Variants in TEX29 observed in about 807,000 individuals in gnomAD.
TEX29 encodes the protein testis-expressed protein 29.
Under a neutral mutation model 18.2 loss-of-function variants are expected in TEX29, and 26 were observed. The observed-to-expected ratio is 1.43, with a 90% CI of 1.04 to 1.98. The LOEUF is 1.98. Among genes scored for constraint, TEX29 ranks in the 30% most tolerant of loss-of-function variants. The pLI is 0.00. For missense variants in TEX29, 177 were observed against 194.2 expected, an observed-to-expected ratio of 0.91 and a Z score of 0.53; for synonymous variants, 83 against 78.5, an observed-to-expected ratio of 1.06 and a Z score of -0.31.
chr13:111,332,216 T>A (rs2093683766), intron 3 of TEX29, among the ~76,000 whole-genome samples: 2 of 152,298 alleles, frequency 1.3e-5, no homozygotes, highest in South Asian at 4.1e-4. Flanking sequence ...GGTCTTTAAT[T>A]TTTTTCAATA....
intron 2 of TEX29, among the ~76,000 whole-genome samples, chr13:111,322,000 G>T (rs376856403): frequency 2.0e-4 from 31 of 152,364 alleles, no homozygotes; most frequent in African/African-American, 7.2e-4. Context: ...TTGTTGGGAA[G>T]GTAGGCTAGG....
chr13:111,317,685 C>T (rs2093656861), upstream of TEX29, among the ~76,000 whole-genome samples: 3 of 152,232 alleles, frequency 2.0e-5, no homozygotes, highest in Admixed American at 1.3e-4. Context: ...ATGGCGCCAA[C>T]AGCAGAGCTT....
intron 2 of TEX29, among the ~76,000 whole-genome samples, chr13:111,325,360 G>A (rs2093671154): frequency 6.6e-6 from 1 of 152,224 alleles, no homozygotes; most frequent in Non-Finnish European, 1.5e-5. Flanking sequence ...GGGTGTGGAG[G>A]GCCTACTGGA....
At chr13:111,330,438 G>T (rs1326266337) in intron 3 of TEX29, among the ~76,000 whole-genome samples, 2 of 152,174 alleles carry the variant, frequency 1.3e-5, no homozygotes, top group Non-Finnish European at 2.9e-5. Context: ...GACGGCTCCT[G>T]CAGATCCTGG....
At position 111,326,498 on chromosome 13, in the gene TEX29, G is replaced by A. The variant is rs1193236178; in HGVS notation, c.59-1685G>A. On this transcript the variant is annotated intron_variant, in intron 2 of 5. Transcript: ENST00000283547. ...CGGGCAGTGCGAGCCTGTCTGGTGG[G>A]GTGGAGGAGACCACGGGCAGCGCGA... Among the ~76,000 whole-genome samples, 32 of 148,594 alleles carry A rather than the reference G, an allele frequency of 2.2e-4. 1 individual carries two copies. The highest frequency in any genetic ancestry group is 3.9e-4 in the Non-Finnish European group (26 of 66,646).
chr13:111,327,657 C>G (rs751849973), intron 2 of TEX29, among the ~76,000 whole-genome samples: 1 of 152,220 alleles, frequency 6.6e-6, no homozygotes, highest in Non-Finnish European at 1.5e-5. Flanking sequence ...GAGCTCTCCC[C>G]GCCCTGCTTC....
At chr13:111,330,779 TC>T (rs1031323246) in intron 3 of TEX29, among the ~76,000 whole-genome samples, 6 of 152,202 alleles carry the variant, frequency 3.9e-5, no homozygotes, top group Non-Finnish European at 8.8e-5. Context: ...TCTATGGACT[TC>T]CGTATTATGG....
intron 3 of TEX29, among the ~76,000 whole-genome samples, chr13:111,333,709 T>A (rs1476650217): frequency 5.9e-5 from 9 of 152,266 alleles, no homozygotes; most frequent in Admixed American, 4.6e-4. Flanking sequence ...TAGGGAGGCC[T>A]CAGGAAACTT....
At chr13:111,322,765 C>T (rs531418213) in intron 2 of TEX29, among the ~76,000 whole-genome samples, 3 of 152,356 alleles carry the variant, frequency 2.0e-5, no homozygotes, top group South Asian at 2.1e-4. Context: ...TCATTCTTTG[C>T]ACACTGTGGC....
intron 3 of TEX29, among the ~76,000 whole-genome samples, chr13:111,329,989 TA>T (rs1382533887): frequency 6.6e-6 from 1 of 152,166 alleles, no homozygotes; most frequent in Non-Finnish European, 1.5e-5. Flanking sequence ...TGCATGGGGC[TA>T]GGGGGCGCGT....
Position 111,342,799 on chromosome 13 carries a change from G to A in TEX29, c.283G>A (p.Val95Ile), listed in dbSNP as rs1438328567. 10 of 1,614,082 alleles carry A rather than the reference G, an allele frequency of 6.2e-6. No individual in the cohort carries two copies. Among genetic ancestry groups the A allele is most frequent in the Non-Finnish European group, 8.5e-6 (10 of 1,180,022 alleles). ...SRKEKAIPVD[V>I]ALPQKSSEKA... ...GAAAGAAAAGGCCATCCCTGTGGATGTCGCGCTGCCACAGAAGTCCAGCGA... is the reference window on the plus strand; with the variant it reads ...GAAAGAAAAGGCCATCCCTGTGGATATCGCGCTGCCACAGAAGTCCAGCGA... The change falls in exon 5 of 6, where the codon GTC (valine) becomes ATC (isoleucine). Residue 95 changes from valine to isoleucine, a missense_variant. Physicochemically the swap from Val to Ile is conservative, Grantham distance 29 (BLOSUM62 3). Coordinates refer to ENST00000283547, the MANE Select transcript of TEX29 (RefSeq NM_152324.3).
intron 3 of TEX29, among the ~76,000 whole-genome samples, chr13:111,335,411 C>CA (rs2093688232): frequency 6.6e-6 from 1 of 152,210 alleles, no homozygotes; most frequent in South Asian, 2.1e-4. Context: ...TCCAGCAGCT[C>CA]GTCCTCTGAG....
At chr13:111,339,347 A>G in intron 3 of TEX29, 2 of 455,026 alleles carry the variant, frequency 4.4e-6, no homozygotes, top group Non-Finnish European at 8.8e-6. Context: ...GGAGCTGGGG[A>G]GCACAGCAGG....
At chr13:111,343,942 CGG>C (rs1340177826) in intron 5 of TEX29, 139 bp from the exon 6 acceptor site, 2 of 701,748 alleles carry the variant, frequency 2.9e-6, no homozygotes, top group Non-Finnish European at 2.6e-6. Context: ...TAGGAGGATA[CGG>C]CCATCCCCAA....
At chr13:111,342,666 C>G (rs1162154868) in intron 4 of TEX29, 90 bp from the exon 5 acceptor site, 1 of 1,279,314 alleles carries the variant, frequency 7.8e-7, no homozygotes, top group Non-Finnish European at 1.1e-6. Flanking sequence ...CCTGTGTTTT[C>G]AGAGGGATGT....
At chr13:111,342,997 CT>C in intron 5 of TEX29, 66 bp downstream of exon 5, 2 of 1,556,626 alleles carry the variant, frequency 1.3e-6, no homozygotes, top group South Asian at 1.2e-5. Context: ...CTCGGGAGAC[CT>C]TCCCTGGGAA....
At chr13:111,332,070 T>C (rs546206971) in intron 3 of TEX29, among the ~76,000 whole-genome samples, 1 of 152,316 alleles carries the variant, frequency 6.6e-6, no homozygotes, top group East Asian at 1.9e-4. Context: ...AGCTTGTCAA[T>C]TTCTGCAGAA....
At chr13:111,338,826 T>C (rs2093693068) in intron 3 of TEX29, among the ~76,000 whole-genome samples, 1 of 152,308 alleles carries the variant, frequency 6.6e-6, no homozygotes, top group African/African-American at 2.4e-5. Flanking sequence ...GGAAGGAACA[T>C]AGAAGAACAA....
upstream of TEX29, chr13:111,316,330 A>T (rs2093654711): frequency 4.4e-6 from 2 of 456,476 alleles, no homozygotes; most frequent in South Asian, 3.1e-5. Context: ...TGGGGCATGC[A>T]CACGCCTCCC....
Sources: gnomAD v4.1 joint callset for allele counts (sites outside exome capture counted in the v4.1 genomes callset) on GRCh38, gnomAD v4.1.1 for gene constraint, MANE v1.5 for transcripts, NCBI Gene and HGNC (gene_info 2026-07-23, HGNC 2026-07-21) for gene names.